SLC9A1: variants seen among roughly 807,000 people sequenced by gnomAD.
The protein encoded by SLC9A1 is sodium/hydrogen exchanger 1.
Under a neutral mutation model 67.9 loss-of-function variants are expected in SLC9A1, and 22 were observed. That is an observed-to-expected ratio of 0.32 (90% CI 0.23 to 0.46). The LOEUF (loss-of-function observed/expected upper bound fraction) is 0.46. Ranked by LOEUF, SLC9A1 falls within the 20% of genes least tolerant of loss-of-function variation. The pLI is 1.00. For synonymous variants in SLC9A1, 421 were observed against 471.8 expected (o/e 0.89, Z 1.40); for missense variants, 686 against 1,094.8 (o/e 0.63, Z 5.27).
chr1:27,100,249 G>A lies in SLC9A1; in HGVS notation c.*58C>T. 1 of 1,312,092 alleles carries A rather than the reference G, an allele frequency of 7.6e-7. No homozygotes were observed. Among genetic ancestry groups the A allele is most frequent in the Non-Finnish European group, 1.0e-6 (1 of 970,064 alleles). 81.3% of individuals were successfully genotyped at this position (1,312,092 alleles called of 1,614,324 possible). ...GGAAGGGCAAGGGGAGCCCCCAGCA[G>A]CCCCTGCTCTGGTGGAAGAGTCTGT... On this transcript the variant is annotated 3_prime_UTR_variant, in exon 12 of 12. Coordinates refer to ENST00000263980, the MANE Select transcript of SLC9A1 (RefSeq NM_003047.5). The surrounding 1 kb of genome is among the most constrained non-coding windows in gnomAD (Gnocchi z 5.6).
chr1:27,102,538 T>C lies in SLC9A1; in HGVS notation c.1667A>G (p.Lys556Arg). 6.2e-7 allele frequency: 1 copy of C among 1,607,854 alleles called. No individual in the cohort carries two copies. Among genetic ancestry groups the C allele is most frequent in the East Asian group, 2.2e-5 (1 of 44,664 alleles). ...AGCTATCAGACACTTCTTCACATAT[T>C]TCTTATTAAACCGGTTGAGCCTGGT... ...WKDKLNRFNK[K>R]YVKKCLIAGE... The change falls in exon 8 of 12, where the codon AAA becomes AGA. Residue 556 changes from lysine to arginine, a missense_variant. By Grantham distance (26) the Lys-to-Arg change is conservative (BLOSUM62 2). Transcript: ENST00000263980.
In SLC9A1 at chr1:27,113,764, C is replaced by A. The variant is rs1570855813; in HGVS notation, c.813+62G>T. 4 of 1,261,222 alleles carry A rather than the reference C, an allele frequency of 3.2e-6. No homozygotes were observed. The East Asian group carries it at 9.3e-5, about 29-fold the overall frequency. The allele number at this position is 1,261,222 out of a possible 1,614,324, so 78.1% of individuals were successfully genotyped here. On this transcript the variant is annotated intron_variant, in intron 2 of 11. Coordinates refer to ENST00000263980, the MANE Select transcript of SLC9A1 (RefSeq NM_003047.5). ...TATTAGCGGGTGGATGAGGGATTCA[C>A]TGGTGGGCCTGGATTTGGGTTTGTA...
intron 2 of SLC9A1, among the ~76,000 whole-genome samples, chr1:27,111,108 T>C (rs1399422024): frequency 6.6e-6 from 1 of 152,152 alleles, no homozygotes; most frequent in Non-Finnish European, 1.5e-5. Flanking sequence ...TGCAGAGCAC[T>C]GGCCAGGCCT....
chr1:27,149,686 C>G (rs116357612), intron 1 of SLC9A1, among the ~76,000 whole-genome samples: 3,120 of 152,294 alleles, frequency 0.02, 122 homozygotes, highest in African/African-American at 0.071. Flanking sequence ...TCAGCCTCTA[C>G]GTTGGTCTTA....
chr1:27,114,431 G>T lies in SLC9A1; in HGVS notation c.353-145C>A. The T allele has an allele frequency of 1.6e-6, 1 of 637,224 alleles. No homozygotes were observed. The highest frequency in any genetic ancestry group is 1.8e-5 in the African/African-American group (1 of 54,502). 39.5% of individuals were successfully genotyped at this position (637,224 alleles called of 1,614,324 possible). ...GAGGGCTGCTCTGTTAACTCTCTGA[G>T]CCTCCGCTTCCTCGCCTGTAAAATG... On this transcript the variant is annotated intron_variant, in intron 1 of 11. Coordinates refer to ENST00000263980, the MANE Select transcript of SLC9A1 (RefSeq NM_003047.5). The surrounding 1 kb of genome is among the most constrained non-coding windows in gnomAD (Gnocchi z 5.4).
rs1158999462 is a variant in SLC9A1 at position 27,101,484 on chromosome 1, C to T, written c.2038-209G>A. On this transcript the variant is annotated intron_variant, in intron 10 of 11. Coordinates refer to ENST00000263980, the MANE Select transcript of SLC9A1 (RefSeq NM_003047.5). This position sits in a 1 kb window ranked among gnomAD's most constrained non-coding sequence, Gnocchi z 4.9. ...GTCACAGCCTCCCTGAATACACCTA[C>T]ACTGCTCAGCCTTAAATCCACCCAT... Among the ~76,000 whole-genome samples, 1 of 152,168 alleles carries T rather than the reference C, an allele frequency of 6.6e-6. No individual in the cohort carries two copies. Among genetic ancestry groups the T allele is most frequent in the African/African-American group, 2.4e-5 (1 of 41,430 alleles).
chr1:27,151,725 T>A (rs2083529684), intron 1 of SLC9A1, among the ~76,000 whole-genome samples: 1 of 152,166 alleles, frequency 6.6e-6, no homozygotes, highest in African/African-American at 2.4e-5. Context: ...GGCAGAGTGG[T>A]GGCTGAATTC....
rs1242321454 is a variant in SLC9A1, at chr1:27,109,166, T to C, written c.1064+361A>G. ...GGGGACTCCCTTTGAGACAATGAAGTAGCAGGGCTGTGGCTTTCCTCAACC... is the reference window on the plus strand; with the variant it reads ...GGGGACTCCCTTTGAGACAATGAAGCAGCAGGGCTGTGGCTTTCCTCAACC... On this transcript the variant is annotated intron_variant, in intron 3 of 11. Coordinates refer to ENST00000263980, the MANE Select transcript of SLC9A1 (RefSeq NM_003047.5). This position sits in a 1 kb window ranked among gnomAD's most constrained non-coding sequence, Gnocchi z 5.5. 6.6e-6 allele frequency among the ~76,000 whole-genome samples: 1 copy of C among 152,112 alleles called. No individual in the cohort carries two copies. The highest frequency in any genetic ancestry group is 2.4e-5 in the African/African-American group (1 of 41,438).
At chr1:27,135,685 T>C (rs916674829) in intron 1 of SLC9A1, among the ~76,000 whole-genome samples, 1 of 152,132 alleles carries the variant, frequency 6.6e-6, no homozygotes, top group Admixed American at 6.5e-5. Context: ...TTATTCACAA[T>C]TGTCAAAAAA....
chr1:27,112,953 C>G lies in SLC9A1; in HGVS notation c.813+873G>C, dbSNP rs113467296. Among the ~76,000 whole-genome samples the G allele has an allele frequency of 1.3e-4, 19 of 151,138 alleles. 3 individuals are homozygous for G. Among genetic ancestry groups the G allele is most frequent in the African/African-American group, 4.6e-4 (19 of 41,054 alleles). On this transcript the variant is annotated intron_variant, in intron 2 of 11. Transcript: ENST00000263980. ...CATTTGCTTAAGGTCACACAGCAAG[C>G]AAGTGGCCAACTTCTTTTACTTATC...
intron 1 of SLC9A1, among the ~76,000 whole-genome samples, chr1:27,149,082 A>T (rs944007211): frequency 6.6e-6 from 1 of 152,216 alleles, no homozygotes; most frequent in Non-Finnish European, 1.5e-5. Flanking sequence ...GGACAGGTGC[A>T]CAGCTGGACA....
rs1337386056 is a variant in SLC9A1 at position 27,154,426 on chromosome 1, C to G, written c.-92G>C. On this transcript the variant is annotated 5_prime_UTR_variant, in exon 1 of 12. Coordinates refer to ENST00000263980, the MANE Select transcript of SLC9A1 (RefSeq NM_003047.5). ...AAGGGTCAGCAAGTGGGAAGAGAGA[C>G]TGGCGTAGTCTCTAGGAAAAGTTCA... 1 of 721,358 alleles carries G rather than the reference C, an allele frequency of 1.4e-6. No homozygotes were observed. The highest frequency in any genetic ancestry group is 2.9e-5 in the East Asian group (1 of 34,870). 44.7% of individuals were successfully genotyped at this position (721,358 alleles called of 1,614,324 possible). A position where few individuals can be genotyped will look rare whatever the true frequency, so the allele number is the denominator to read the frequency against.
At chr1:27,149,127 G>A (rs2083509970) in intron 1 of SLC9A1, among the ~76,000 whole-genome samples, 1 of 152,194 alleles carries the variant, frequency 6.6e-6, no homozygotes, top group Non-Finnish European at 1.5e-5. Flanking sequence ...GCAGGGACAG[G>A]GCTCCCACCA....
At chr1:27,136,664 C>G (rs552063851) in intron 1 of SLC9A1, among the ~76,000 whole-genome samples, 18 of 152,180 alleles carry the variant, frequency 1.2e-4, no homozygotes, top group Non-Finnish European at 1.9e-4. Flanking sequence ...TACCCCTCTC[C>G]GGCTACATCC....
At chr1:27,147,001 G>T (rs1353262229) in intron 1 of SLC9A1, among the ~76,000 whole-genome samples, 1 of 151,888 alleles carries the variant, frequency 6.6e-6, no homozygotes, top group Non-Finnish European at 1.5e-5. Flanking sequence ...GCCGGGCGCG[G>T]TGGCTCATGC....
At chr1:27,124,815 T>C (rs973102040) in intron 1 of SLC9A1, among the ~76,000 whole-genome samples, 3 of 151,956 alleles carry the variant, frequency 2.0e-5, no homozygotes, top group African/African-American at 7.3e-5. Context: ...AAAGGATCAG[T>C]GAGAGAAAAT....
intron 3 of SLC9A1, among the ~76,000 whole-genome samples, chr1:27,108,865 C>T (rs1308300914): frequency 6.6e-6 from 1 of 152,174 alleles, no homozygotes; most frequent in Non-Finnish European, 1.5e-5. Flanking sequence ...GGTTCATTCC[C>T]CTCAAGCGTG....
At chr1:27,132,043 T>C (rs2083390150) in intron 1 of SLC9A1, among the ~76,000 whole-genome samples, 1 of 149,776 alleles carries the variant, frequency 6.7e-6, no homozygotes. Context: ...GTAGGTGCTA[T>C]CACACCAATA....
At chr1:27,120,650 A>C (rs1011185601) in intron 1 of SLC9A1, among the ~76,000 whole-genome samples, 7 of 151,972 alleles carry the variant, frequency 4.6e-5, no homozygotes, top group Non-Finnish European at 8.8e-5. Flanking sequence ...AGGCAGGAGA[A>C]TCACTTGAAC....
Sources: gnomAD v4.1 joint callset for allele counts (sites outside exome capture counted in the v4.1 genomes callset) on GRCh38, gnomAD v4.1.1 for gene constraint, Gnocchi (gnomAD v3.1) non-coding constraint, MANE v1.5 for transcripts, NCBI Gene and HGNC (gene_info 2026-07-23, HGNC 2026-07-21) for gene names.